Variants in REEP1 observed in about 807,000 individuals in gnomAD.
The protein encoded by REEP1 is receptor expression-enhancing protein 1.
A neutral mutation model predicts 40.3 loss-of-function variants in REEP1; 22 were observed. That is an observed-to-expected ratio of 0.55 (90% CI 0.39 to 0.78). The LOEUF is 0.78. Among genes scored for constraint, REEP1 ranks in the 30% least tolerant of loss-of-function variants. The probability of loss-of-function intolerance (pLI) is 0.00; values close to 1 mark genes in which losing one functional copy is unlikely to be tolerated. For missense variants in REEP1, 280 were observed against 361.1 expected (o/e 0.78, Z 1.82); for synonymous variants, 116 against 139.2 (o/e 0.83, Z 1.17).
chr2:86,235,955 G>A (rs1162527325), intron 5 of REEP1, among the ~76,000 whole-genome samples: 3 of 152,178 alleles, frequency 2.0e-5, no homozygotes, highest in Admixed American at 1.3e-4. Context: ...GGTGGTTCAC[G>A]CCTGTAATCC....
chr2:86,222,910 G>A (rs1424601739), intron 7 of REEP1, among the ~76,000 whole-genome samples: 1 of 152,204 alleles, frequency 6.6e-6, no homozygotes, highest in East Asian at 1.9e-4. Flanking sequence ...CCATGTTCTT[G>A]TCCCTGAAGA....
At chr2:86,264,723 ATAT>A (rs372468138) in intron 2 of REEP1, among the ~76,000 whole-genome samples, 233 of 152,356 alleles carry the variant, frequency 1.5e-3, no homozygotes, top group African/African-American at 5.4e-3. Flanking sequence ...GAGGTAGCTT[ATAT>A]TGAACTAAGG....
intron 2 of REEP1, among the ~76,000 whole-genome samples, chr2:86,274,485 A>G (rs912053334): frequency 3.3e-5 from 5 of 152,258 alleles, no homozygotes; most frequent in Non-Finnish European, 7.3e-5. Flanking sequence ...CATTGAGGCT[A>G]ACAAGGTCAA....
At chr2:86,305,614 G>T (rs998067157) in intron 1 of REEP1, among the ~76,000 whole-genome samples, 1 of 152,182 alleles carries the variant, frequency 6.6e-6, no homozygotes, top group African/African-American at 2.4e-5. Flanking sequence ...CTGAGGTGGG[G>T]CCTGAACATC....
chr2:86,246,891 G>C (rs1202832727), intron 5 of REEP1, among the ~76,000 whole-genome samples: 1 of 151,966 alleles, frequency 6.6e-6, no homozygotes, highest in Admixed American at 6.6e-5. Context: ...AGTGGAGACA[G>C]GGTTTCTCCA....
At chr2:86,236,753 T>TC (rs1213444923) in intron 5 of REEP1, among the ~76,000 whole-genome samples, 6 of 148,396 alleles carry the variant, frequency 4.0e-5, no homozygotes, top group African/African-American at 1.5e-4. Flanking sequence ...TTTTTTTTTT[T>TC]CGAGATGGAG....
At chr2:86,219,700 C>T (rs541099449) in intron 8 of REEP1, among the ~76,000 whole-genome samples, 1 of 152,254 alleles carries the variant, frequency 6.6e-6, no homozygotes, top group South Asian at 2.1e-4. Flanking sequence ...CCTGCCTCGG[C>T]CTCCCAAAGT....
At chr2:86,302,046 A>T (rs1679274871) in intron 1 of REEP1, among the ~76,000 whole-genome samples, 1 of 152,214 alleles carries the variant, frequency 6.6e-6, no homozygotes, top group Non-Finnish European at 1.5e-5. Flanking sequence ...AGCTTCCTGA[A>T]GCTTGACTTC....
intron 6 of REEP1, 48 bp downstream of exon 6, chr2:86,232,577 A>C: frequency 8.8e-6 from 14 of 1,596,602 alleles, no homozygotes; most frequent in Non-Finnish European, 1.2e-5. Flanking sequence ...CTCTCAATGA[A>C]AGCGAGGCCC....
intron 1 of REEP1, among the ~76,000 whole-genome samples, chr2:86,296,366 G>A (rs1678982672): frequency 1.3e-5 from 2 of 152,218 alleles, no homozygotes; most frequent in African/African-American, 2.4e-5. Context: ...GTTGGACTAA[G>A]GTCACACACC....
chr2:86,306,722 T>A (rs959483102), intron 1 of REEP1, among the ~76,000 whole-genome samples: 1 of 152,152 alleles, frequency 6.6e-6, no homozygotes, highest in Non-Finnish European at 1.5e-5. Context: ...ATAGAACACA[T>A]GTATTTACTC....
At chr2:86,280,783 C>T (rs982020850) in intron 2 of REEP1, among the ~76,000 whole-genome samples, 4 of 151,712 alleles carry the variant, frequency 2.6e-5, no homozygotes, top group Admixed American at 1.3e-4. Context: ...TGGGAGATTG[C>T]GGGGTGGGGT....
chr2:86,246,902 T>C (rs903301533), intron 5 of REEP1, among the ~76,000 whole-genome samples: 5 of 152,122 alleles, frequency 3.3e-5, no homozygotes, highest in Non-Finnish European at 5.9e-5. Context: ...GGTTTCTCCA[T>C]GTTGGTCAGG....
rs75939692 is a variant in REEP1, at chr2:86,330,022, T to C, written c.32+7457A>G. ...AGTGTAGTGAAAGCCAGAGGGCACCTTCCAAGGCTTTAGCTATGGAATGGC... is the reference window on the plus strand; with the variant it reads ...AGTGTAGTGAAAGCCAGAGGGCACCCTCCAAGGCTTTAGCTATGGAATGGC... On this transcript the variant is annotated intron_variant, in intron 1 of 8. Coordinates refer to ENST00000538924, the MANE Select transcript of REEP1 (RefSeq NM_001371279.1). Among the ~76,000 whole-genome samples the C allele has an allele frequency of 9.8e-5, 15 of 152,302 alleles. 1 individual carries two copies. In the East Asian group the frequency reaches 2.9e-3, roughly 29 times the overall value.
At chr2:86,280,565 G>A (rs11675942) in intron 2 of REEP1, among the ~76,000 whole-genome samples, 74,613 of 152,134 alleles carry the variant, frequency 0.49, 18,434 homozygotes, top group East Asian at 0.65. Context: ...GGAGGGCTAG[G>A]AGAAGCTGCT....
intron 2 of REEP1, among the ~76,000 whole-genome samples, chr2:86,281,252 C>CCAA (rs1290430970): frequency 6.6e-6 from 1 of 152,174 alleles, no homozygotes; most frequent in Non-Finnish European, 1.5e-5. Context: ...CCCAGATCAT[C>CCAA]CAACAGTAAT....
intron 1 of REEP1, among the ~76,000 whole-genome samples, chr2:86,314,318 T>C (rs117371827): frequency 0.03 from 4,583 of 152,250 alleles, 118 homozygotes; most frequent in East Asian, 0.069. Flanking sequence ...CCTCCCCACC[T>C]GGAGTCTCAT....
chr2:86,332,208 C>G (rs1680800209), intron 1 of REEP1, among the ~76,000 whole-genome samples: 2 of 152,030 alleles, frequency 1.3e-5, no homozygotes, highest in Admixed American at 6.5e-5. Context: ...ATCCCAATTC[C>G]CTTCCCAAGG....
At position 86,333,064 on chromosome 2, in the gene REEP1, G is replaced by A. The variant is rs894983349; in HGVS notation, c.32+4415C>T. ...ACATCTTTCCTTTCACAATTCAACC[G>A]AAACATTTACCCAGCTCCCACAGTG... On this transcript the variant is annotated intron_variant, in intron 1 of 8. Coordinates refer to ENST00000538924, the MANE Select transcript of REEP1 (RefSeq NM_001371279.1). Among the ~76,000 whole-genome samples, 17 of 152,092 alleles carry A rather than the reference G, an allele frequency of 1.1e-4. 1 individual carries two copies. The highest frequency in any genetic ancestry group is 1.0e-3 in the Admixed American group (16 of 15,274).
Sources: allele counts gnomAD v4.1 joint callset (sites outside exome capture counted in the v4.1 genomes callset), GRCh38; gene constraint gnomAD v4.1.1; transcripts MANE v1.5; gene names NCBI Gene and HGNC (gene_info 2026-07-23, HGNC 2026-07-21).